The following PRR5L variants were observed in gnomAD, a reference collection of about 807,000 sequenced individuals.
The protein encoded by PRR5L is proline rich 5 like, also known as proline-rich protein 5-like.
Under a neutral mutation model 36.4 loss-of-function variants are expected in PRR5L, and 21 were observed. That is an observed-to-expected ratio of 0.58 (90% confidence interval 0.41 to 0.83). The LOEUF (loss-of-function observed/expected upper bound fraction) is 0.83. Among genes scored for constraint, PRR5L ranks in the 40% least tolerant of loss-of-function variants. The pLI is 0.00. For missense variants in PRR5L, 381 were observed against 473.3 expected (o/e 0.80, Z 1.81); for synonymous variants, 188 against 197.0 (o/e 0.95, Z 0.38).
chr11:36,424,371 T>G (rs1386202520), intron 4 of PRR5L, among the ~76,000 whole-genome samples: 1 of 152,180 alleles, frequency 6.6e-6, no homozygotes, highest in Non-Finnish European at 1.5e-5. Flanking sequence ...TACACAAGTA[T>G]GTATTTGCAA....
At chr11:36,332,421 G>C (rs1442148483) in intron 1 of PRR5L, among the ~76,000 whole-genome samples, 1 of 152,096 alleles carries the variant, frequency 6.6e-6, no homozygotes, top group Non-Finnish European at 1.5e-5. Context: ...AGTATTCTCT[G>C]GCATTAAATA....
intron 2 of PRR5L, 21 bp downstream of exon 2, chr11:36,401,306 T>G (rs1590539636): frequency 6.2e-7 from 1 of 1,605,552 alleles, no homozygotes; most frequent in Non-Finnish European, 8.5e-7. Context: ...CTGCAGGATG[T>G]GGGGTGGAGG....
At chr11:36,308,642 A>G (rs529620002) in intron 1 of PRR5L, among the ~76,000 whole-genome samples, 45 of 152,322 alleles carry the variant, frequency 3.0e-4, no homozygotes, top group African/African-American at 1.0e-3. Context: ...AGCTGATGTG[A>G]TAGATTGAGG....
chr11:36,443,901 G>T (rs1858773978), intron 6 of PRR5L, among the ~76,000 whole-genome samples: 1 of 152,116 alleles, frequency 6.6e-6, no homozygotes, highest in African/African-American at 2.4e-5. Flanking sequence ...CCCCCCAGTT[G>T]GTGTAAGACA....
chr11:36,380,870 C>G (rs547406110), intron 1 of PRR5L, among the ~76,000 whole-genome samples: 2 of 152,226 alleles, frequency 1.3e-5, no homozygotes, highest in South Asian at 4.1e-4. Context: ...ATACTAACTT[C>G]GTTAAAAAGC....
chr11:36,453,585 A>G (rs1260325672), intron 8 of PRR5L, among the ~76,000 whole-genome samples: 1 of 152,202 alleles, frequency 6.6e-6, no homozygotes, highest in African/African-American at 2.4e-5. Context: ...GCAAATGTGT[A>G]CTAAGACCCT....
At chr11:36,347,957 C>G (rs1856884529) in intron 1 of PRR5L, among the ~76,000 whole-genome samples, 2 of 151,976 alleles carry the variant, frequency 1.3e-5, no homozygotes, top group Admixed American at 1.3e-4. Flanking sequence ...GTAAAAGAGC[C>G]ATAATAAGAT....
chr11:36,428,431 A>G (rs138278310), intron 4 of PRR5L, among the ~76,000 whole-genome samples: 146 of 152,302 alleles, frequency 9.6e-4, no homozygotes, highest in Non-Finnish European at 1.4e-3. Flanking sequence ...AATTCTCTAG[A>G]GAGGAGATTT....
chr11:36,413,529 G>T (rs1252862987), intron 3 of PRR5L, among the ~76,000 whole-genome samples: 1 of 152,090 alleles, frequency 6.6e-6, no homozygotes, highest in Non-Finnish European at 1.5e-5. Context: ...ATACAGTAGA[G>T]TCTCCACCCC....
chr11:36,407,998 G>C (rs12291621), intron 3 of PRR5L, among the ~76,000 whole-genome samples: 74 of 152,330 alleles, frequency 4.9e-4, no homozygotes, highest in African/African-American at 1.8e-3. Flanking sequence ...TGTCAGGCCA[G>C]GTGCGGTGGC....
At chr11:36,323,924 C>T (rs1042818900) in intron 1 of PRR5L, among the ~76,000 whole-genome samples, 2 of 151,994 alleles carry the variant, frequency 1.3e-5, no homozygotes, top group Admixed American at 6.6e-5. Flanking sequence ...CTAATAATAC[C>T]GTGTATTGGC....
chr11:36,296,994 T>A (rs1395855329), intron 1 of PRR5L, among the ~76,000 whole-genome samples: 1 of 152,224 alleles, frequency 6.6e-6, no homozygotes, highest in East Asian at 1.9e-4. Flanking sequence ...TATATGATGA[T>A]AGCTATGTGT....
intron 4 of PRR5L, among the ~76,000 whole-genome samples, chr11:36,424,878 A>G (rs1858348056): frequency 6.6e-6 from 1 of 151,876 alleles, no homozygotes; most frequent in African/African-American, 2.4e-5. Context: ...CTGGAGTGCA[A>G]TGGCACGATC....
chr11:36,343,981 C>G, intron 1 of PRR5L, among the ~76,000 whole-genome samples: 1 of 151,836 alleles, frequency 6.6e-6, no homozygotes, highest in Non-Finnish European at 1.5e-5. Flanking sequence ...CTTTGGGAGG[C>G]CGAGGCGGGT....
chr11:36,351,440 CATATATATTTATATATTT>C (rs1856950026), intron 1 of PRR5L, among the ~76,000 whole-genome samples: 1 of 36,722 alleles, frequency 2.7e-5, no homozygotes, highest in African/African-American at 1.2e-4. Flanking sequence ...TTTATATATA[CATATATATTTATATATTT>C]ATATATTTAT....
intron 6 of PRR5L, among the ~76,000 whole-genome samples, chr11:36,445,047 G>A (rs1468294727): frequency 6.6e-6 from 1 of 152,210 alleles, no homozygotes; most frequent in African/African-American, 2.4e-5. Context: ...CATAATGTGA[G>A]CTCTATTTAT....
chr11:36,420,100 G>A (rs1177404462), intron 4 of PRR5L, among the ~76,000 whole-genome samples: 2 of 152,246 alleles, frequency 1.3e-5, no homozygotes, highest in Non-Finnish European at 2.9e-5. Flanking sequence ...GCATATGGTG[G>A]AGAGGGAATG....
intron 1 of PRR5L, chr11:36,388,078 C>G (rs1447238804): frequency 2.8e-4 from 42 of 152,208 alleles, no homozygotes; most frequent in Admixed American, 2.7e-3. Flanking sequence ...TGCCTCACTC[C>G]CTAAACTGGT....
chr11:36,401,149 CCCGT>C lies in PRR5L; in HGVS notation c.30_33del (p.Val11SerfsTer16), dbSNP rs1564936989. Reference sequence around the variant, plus strand: ...GACCCGCGGCTTCGCTCCCATTCTGCCCGTCGAGTTCCACAAGATGGGCTCCTTC... The same window carrying C: ...GACCCGCGGCTTCGCTCCCATTCTGCCGAGTTCCACAAGATGGGCTCCTTC... On this transcript the variant is annotated frameshift_variant, in exon 2 of 9. Transcript: ENST00000530639. LOFTEE classifies it high-confidence loss of function. 1.2e-6 allele frequency: 2 copies of C among 1,614,170 alleles called. No homozygotes were observed. The highest frequency in any genetic ancestry group is 2.2e-5 in the South Asian group (2 of 91,072).
Sources: gnomAD v4.1 joint callset for allele counts (sites outside exome capture counted in the v4.1 genomes callset) on GRCh38, gnomAD v4.1.1 for gene constraint, MANE v1.5 for transcripts, NCBI Gene and HGNC (gene_info 2026-07-23, HGNC 2026-07-21) for gene names.